SPO11: variants seen among roughly 807,000 people sequenced by gnomAD.
The protein encoded by SPO11 is meiotic recombination protein SPO11.
Under a neutral mutation model 51.6 loss-of-function variants are expected in SPO11, and 49 were observed. That is an observed-to-expected ratio of 0.95 (90% CI 0.75 to 1.20). The LOEUF (loss-of-function observed/expected upper bound fraction) is 1.20. Among genes scored for constraint, SPO11 ranks in the 50% most tolerant of loss-of-function variants. The probability of loss-of-function intolerance (pLI) is 0.00; values close to 1 mark genes in which losing one functional copy is unlikely to be tolerated. For synonymous variants in SPO11, 176 were observed against 158.2 expected (o/e 1.11, Z -0.84); for missense variants, 431 against 473.4 (o/e 0.91, Z 0.83).
chr20:57,339,859 C>A (rs145913253), intron 10 of SPO11, among the ~76,000 whole-genome samples: 69 of 152,322 alleles, frequency 4.5e-4, no homozygotes, highest in African/African-American at 1.6e-3. Context: ...CCGCCTTGGT[C>A]TCCCAAAGTA....
At chr20:57,334,156 T>A (rs1409892120) in intron 5 of SPO11, 61 bp downstream of exon 5, 1 of 209,426 alleles carries the variant, frequency 4.8e-6, no homozygotes. Flanking sequence ...TAAAACATAA[T>A]TTTTTTTTTT....
chr20:57,337,864 C>A, intron 8 of SPO11: 1 of 696,572 alleles, frequency 1.4e-6, no homozygotes, highest in Non-Finnish European at 2.1e-6. Context: ...GTTGTATGAG[C>A]ATAACCTATA....
rs781549300 is a variant in SPO11 at position 57,343,544 on chromosome 20, A to G, written c.*84A>G. The stretch of plus-strand genomic sequence containing the variant: ...GCAAATACTATTGTGGAAAGAACAT[A>G]TATTATATTCTTAATTCTGTAAAAG... On this transcript the variant is annotated 3_prime_UTR_variant, in exon 13 of 13. Coordinates refer to ENST00000371263, the MANE Select transcript of SPO11 (RefSeq NM_012444.3). 1.1e-5 allele frequency: 14 copies of G among 1,327,874 alleles called. No homozygotes were observed. Among genetic ancestry groups the G allele is most frequent in the Non-Finnish European group, 1.4e-5 (14 of 976,994 alleles). The allele number at this position is 1,327,874 out of a possible 1,614,324, so 82.3% of individuals were successfully genotyped here.
In SPO11 at chr20:57,333,768, C is replaced by T; in HGVS notation, c.401+15C>T. 7.5e-7 allele frequency: 1 copy of T among 1,339,038 alleles called. No homozygotes were observed. Among genetic ancestry groups the T allele is most frequent in the Non-Finnish European group, 1.1e-6 (1 of 943,616 alleles). The allele number at this position is 1,339,038 out of a possible 1,614,324, so 82.9% of individuals were successfully genotyped here. A position where few individuals can be genotyped will look rare whatever the true frequency, so the allele number is the denominator to read the frequency against. ...GCAACCAAAAGGTAAATATATTGTT[C>T]TAGTAAATTACTCTTCAAAATGTAA... On this transcript the variant is annotated intron_variant, in intron 4 of 12. Transcript: ENST00000371263.
intron 8 of SPO11, among the ~76,000 whole-genome samples, chr20:57,336,533 T>G (rs1268956892): frequency 1.3e-5 from 2 of 152,172 alleles, no homozygotes; most frequent in African/African-American, 2.4e-5. Flanking sequence ...ATACTTCTAC[T>G]CCAAATCTGG....
chr20:57,338,820 T>A lies in SPO11; in HGVS notation c.845-169T>A, dbSNP rs188002663. Among the ~76,000 whole-genome samples, 290 of 152,300 alleles carry A rather than the reference T, an allele frequency of 1.9e-3. 2 individuals carry two copies. Among genetic ancestry groups the A allele is most frequent in the African/African-American group, 5.8e-3 (242 of 41,558 alleles). ...AATGATTACATTAAAATTTGGTCTA[T>A]AATTATTTGACACAATTTATCGTTA... On this transcript the variant is annotated intron_variant, in intron 9 of 12. Transcript: ENST00000371263.
At position 57,331,954 on chromosome 20, in the gene SPO11, T is replaced by G. The variant is rs768289200; in HGVS notation, c.245+8T>G. Reference sequence around the variant, plus strand: ...AAGCTGGGAAAACATAAAGTGGGCATTTTGCATTTTTATTTTTTAAATGCA... The same window carrying G: ...AAGCTGGGAAAACATAAAGTGGGCAGTTTGCATTTTTATTTTTTAAATGCA... On this transcript the variant is annotated splice_region_variant and intron_variant, in intron 2 of 12. Transcript: ENST00000371263. The G allele has an allele frequency of 6.6e-7, 1 of 1,513,946 alleles. No individual in the cohort carries two copies. The highest frequency in any genetic ancestry group is 2.3e-5 in the East Asian group (1 of 43,664). The allele number at this position is 1,513,946 out of a possible 1,614,324, so 93.8% of individuals were successfully genotyped here.
chr20:57,342,946 G>A, intron 12 of SPO11, 106 bp downstream of exon 12: 1 of 776,980 alleles, frequency 1.3e-6, no homozygotes, highest in Non-Finnish European at 2.1e-6. Context: ...AATTTTATAT[G>A]ACACGACTAA....
At chr20:57,336,664 C>T (rs28368084) in intron 8 of SPO11, among the ~76,000 whole-genome samples, 22 of 152,222 alleles carry the variant, frequency 1.4e-4, no homozygotes, top group Admixed American at 5.9e-4. Flanking sequence ...GGCTGGGACT[C>T]GAGGGCCATA....
intron 10 of SPO11, among the ~76,000 whole-genome samples, chr20:57,339,510 C>A (rs2066553820): frequency 6.6e-6 from 1 of 152,140 alleles, no homozygotes; most frequent in Admixed American, 6.5e-5. Flanking sequence ...CTGGAAGATT[C>A]TTAGAAATGC....
intron 2 of SPO11, among the ~76,000 whole-genome samples, chr20:57,332,147 A>G (rs1169935136): frequency 6.6e-6 from 1 of 152,240 alleles, no homozygotes; most frequent in East Asian, 1.9e-4. Flanking sequence ...GGCAAAGGAA[A>G]ACAATGCTAG....
Position 57,335,809 on chromosome 20 carries a change from G to A in SPO11, c.646G>A (p.Asp216Asn), listed in dbSNP as rs189993248. 7.5e-6 allele frequency: 12 copies of A among 1,604,660 alleles called. No individual in the cohort carries two copies. The highest frequency in any genetic ancestry group is 1.0e-5 in the Non-Finnish European group (12 of 1,173,178). ...NIQGIRNLVT[D>N]AKFVLIVEKD... Reference sequence around the variant, plus strand: ...CCTTAACTTCACAGATTTAGTTACAGATGCAAAGTTTGTATTAATTGTAGA... The same window carrying A: ...CCTTAACTTCACAGATTTAGTTACAAATGCAAAGTTTGTATTAATTGTAGA... The change falls in exon 8 of 13, where the codon GAT becomes AAT. Residue 216 changes from aspartate to asparagine, a missense_variant. Asp to Asn is a conservative substitution (Grantham distance 23). Transcript: ENST00000371263.
At chr20:57,330,375 T>G (rs567231719) in intron 1 of SPO11, among the ~76,000 whole-genome samples, 12 of 151,804 alleles carry the variant, frequency 7.9e-5, no homozygotes, top group Middle Eastern at 3.4e-3. Flanking sequence ...ACTTTAAGGG[T>G]TTTTTTTGGT....
At chr20:57,341,408 G>GT (rs1444466593) in intron 11 of SPO11, among the ~76,000 whole-genome samples, 2 of 152,206 alleles carry the variant, frequency 1.3e-5, no homozygotes, top group Admixed American at 1.3e-4. Flanking sequence ...TCTCTGAAGA[G>GT]TAAGAGTCCA....
intron 2 of SPO11, among the ~76,000 whole-genome samples, chr20:57,332,931 C>T (rs867392719): frequency 5.3e-5 from 8 of 152,276 alleles, no homozygotes; most frequent in African/African-American, 1.7e-4. Flanking sequence ...AACACACTCC[C>T]ACACCCCCTA....
Position 57,329,848 on chromosome 20 carries a change from T to C in SPO11, c.-20T>C. The C allele has an allele frequency of 6.2e-7, 1 of 1,604,048 alleles. No homozygotes were observed. ...GCCTAGGACAGGGGCTTCTGGAGCTTCTGGCAGCCGTCTGCCCTCATGGCC... is the reference window on the plus strand; with the variant it reads ...GCCTAGGACAGGGGCTTCTGGAGCTCCTGGCAGCCGTCTGCCCTCATGGCC... On this transcript the variant is annotated 5_prime_UTR_variant, in exon 1 of 13. Coordinates refer to ENST00000371263, the MANE Select transcript of SPO11 (RefSeq NM_012444.3).
At chr20:57,333,852 A>G in intron 4 of SPO11, 99 bp downstream of exon 4, 1 of 927,602 alleles carries the variant, frequency 1.1e-6, no homozygotes, top group Non-Finnish European at 1.6e-6. Flanking sequence ...ATAAGACTAA[A>G]CTATAGCTCA....
rs774187978 is a variant in SPO11 at position 57,335,886 on chromosome 20, G to A, written c.723G>A (p.Leu241=). The change falls in exon 8 of 13, where the codon TTG becomes TTA. Residue 241 remains leucine, a synonymous_variant. Coordinates refer to ENST00000371263, the MANE Select transcript of SPO11 (RefSeq NM_012444.3). The stretch of plus-strand genomic sequence containing the variant: ...TAGATGACAACTTTTGCAACAAATT[G>A]TCTCCTTGCATCATGATTACGGTAT... ...RLLDDNFCNK[L]SPCIMITGKG... is the part of the protein sequence containing the mutation. The A allele has an allele frequency of 1.7e-5, 28 of 1,607,884 alleles. No individual in the cohort carries two copies. The East Asian group carries it at 5.6e-4, about 32-fold the overall frequency.
At chr20:57,336,005 T>A in intron 8 of SPO11, 98 bp downstream of exon 8, 1 of 663,790 alleles carries the variant, frequency 1.5e-6, no homozygotes, top group Non-Finnish European at 2.6e-6. Flanking sequence ...TGTCCTGTTT[T>A]CAATATAATG....
Sources: gnomAD v4.1 joint callset for allele counts (sites outside exome capture counted in the v4.1 genomes callset) on GRCh38, gnomAD v4.1.1 for gene constraint, MANE v1.5 for transcripts, NCBI Gene and HGNC (gene_info 2026-07-23, HGNC 2026-07-21) for gene names.